SLC35F4: variants seen among roughly 807,000 people sequenced by gnomAD.
The protein encoded by SLC35F4 is solute carrier family 35 member F4.
Under a neutral mutation model 44.2 loss-of-function variants are expected in SLC35F4, and 24 were observed. The observed-to-expected ratio is 0.54, with a 90% CI of 0.39 to 0.76. SLC35F4 has a LOEUF of 0.76. SLC35F4 is among the 30% of genes least tolerant of loss of function. The probability of loss-of-function intolerance (pLI) is 0.00; values close to 1 mark genes in which losing one functional copy is unlikely to be tolerated. For synonymous variants in SLC35F4, 238 were observed against 223.6 expected (o/e 1.06, Z -0.57); for missense variants, 562 against 586.1 (o/e 0.96, Z 0.42).
intron 1 of SLC35F4, among the ~76,000 whole-genome samples, chr14:57,597,113 A>G (rs1339172626): frequency 6.6e-6 from 1 of 152,248 alleles, no homozygotes; most frequent in Admixed American, 6.5e-5. Flanking sequence ...GTAGTCAAGT[A>G]TCATAAATAA....
At chr14:57,773,916 T>C (rs549487562) in intron 1 of SLC35F4, among the ~76,000 whole-genome samples, 1 of 152,204 alleles carries the variant, frequency 6.6e-6, no homozygotes, top group African/African-American at 2.4e-5. Context: ...TCCCAGACCT[T>C]GCCTTCCTTT....
intron 1 of SLC35F4, among the ~76,000 whole-genome samples, chr14:57,949,033 T>C (rs987697629): frequency 2.0e-5 from 3 of 152,162 alleles, no homozygotes; most frequent in Non-Finnish European, 2.9e-5. Flanking sequence ...TCTGTAAACA[T>C]GTTAAGTCCA....
intron 1 of SLC35F4, among the ~76,000 whole-genome samples, chr14:57,634,296 T>C (rs2072924199): frequency 6.6e-6 from 1 of 152,156 alleles, no homozygotes; most frequent in South Asian, 2.1e-4. Context: ...TGAAGATGTA[T>C]AACAGAAGGA....
At chr14:57,920,261 T>C (rs886074486) in intron 1 of SLC35F4, among the ~76,000 whole-genome samples, 5 of 152,190 alleles carry the variant, frequency 3.3e-5, no homozygotes, top group African/African-American at 9.7e-5. Context: ...AAGTCAGATA[T>C]GAAACATTAA....
chr14:57,750,807 A>G (rs2076866891), intron 1 of SLC35F4, among the ~76,000 whole-genome samples: 4 of 152,098 alleles, frequency 2.6e-5, no homozygotes, highest in Admixed American at 2.6e-4. Context: ...TGTCTGATGA[A>G]TAGTTTCAAA....
At chr14:57,767,666 T>G (rs1361839992) in intron 1 of SLC35F4, among the ~76,000 whole-genome samples, 1 of 151,058 alleles carries the variant, frequency 6.6e-6, no homozygotes, top group East Asian at 2.0e-4. Context: ...AAGATGGAAA[T>G]AAAGATAATA....
At chr14:57,791,277 C>A (rs907827193) in intron 1 of SLC35F4, among the ~76,000 whole-genome samples, 4 of 151,770 alleles carry the variant, frequency 2.6e-5, no homozygotes, top group Non-Finnish European at 4.4e-5. Flanking sequence ...GGAAGTTAAA[C>A]AAATTTACAA....
chr14:57,889,369 T>C (rs567913653), intron 1 of SLC35F4, among the ~76,000 whole-genome samples: 2 of 152,346 alleles, frequency 1.3e-5, no homozygotes, highest in African/African-American at 4.8e-5. Flanking sequence ...GCAGAGACAC[T>C]TGAAGTACTC....
At chr14:57,926,337 A>G (rs1317426682) in intron 1 of SLC35F4, among the ~76,000 whole-genome samples, 1 of 152,110 alleles carries the variant, frequency 6.6e-6, no homozygotes, top group Non-Finnish European at 1.5e-5. Context: ...GTTTTTTTAG[A>G]AAGTTTTGTT....
chr14:57,849,003 C>T (rs1437085820), intron 1 of SLC35F4, among the ~76,000 whole-genome samples: 5 of 152,158 alleles, frequency 3.3e-5, no homozygotes, highest in Admixed American at 3.3e-4. Context: ...CTTTTGCCAG[C>T]ATCTGTGAAA....
chr14:57,875,376 G>A (rs1050555619), intron 1 of SLC35F4, among the ~76,000 whole-genome samples: 6 of 152,156 alleles, frequency 3.9e-5, no homozygotes, highest in African/African-American at 1.4e-4. Flanking sequence ...TAGTGTTATT[G>A]TCTAGCTTTT....
intron 4 of SLC35F4, among the ~76,000 whole-genome samples, chr14:57,575,435 C>G (rs1017021317): frequency 1.3e-5 from 2 of 152,080 alleles, no homozygotes; most frequent in African/African-American, 4.8e-5. Flanking sequence ...GAGCTGAGAT[C>G]ACATCACTGC....
chr14:57,935,656 G>A (rs1889782216), intron 1 of SLC35F4, among the ~76,000 whole-genome samples: 1 of 152,116 alleles, frequency 6.6e-6, no homozygotes. Flanking sequence ...TCAGCTCTAA[G>A]GCCCAGATCC....
intron 1 of SLC35F4, among the ~76,000 whole-genome samples, chr14:57,729,859 T>A (rs1331596828): frequency 6.6e-6 from 1 of 152,200 alleles, no homozygotes; most frequent in Non-Finnish European, 1.5e-5. Context: ...CAGTGGTAAG[T>A]CTTGCCAAGA....
Position 57,564,380 on chromosome 14 carries a change from G to A in SLC35F4, c.1217-4C>T. On this transcript the variant is annotated splice_polypyrimidine_tract_variant and splice_region_variant and intron_variant, in intron 7 of 7. Transcript: ENST00000556826. ...TCCTGCTTTAGGAGATCCACAGCTAGGAAAGAAAAATCAAGTCAGTCATTT... is the reference window on the plus strand; with the variant it reads ...TCCTGCTTTAGGAGATCCACAGCTAAGAAAGAAAAATCAAGTCAGTCATTT... 3 of 1,599,594 alleles carry A rather than the reference G, an allele frequency of 1.9e-6. No individual in the cohort carries two copies. The highest frequency in any genetic ancestry group is 2.6e-6 in the Non-Finnish European group (3 of 1,172,362).
At chr14:57,567,348 T>C (rs775852080) in intron 6 of SLC35F4, among the ~76,000 whole-genome samples, 19 of 152,334 alleles carry the variant, frequency 1.2e-4, no homozygotes, top group Admixed American at 3.3e-4. Context: ...GATAGAGAGA[T>C]GAGTGTTAAC....
chr14:57,670,902 CTTTT>C (rs35951590), intron 1 of SLC35F4, among the ~76,000 whole-genome samples: 2 of 107,350 alleles, frequency 1.9e-5, no homozygotes, highest in South Asian at 3.3e-4. Flanking sequence ...CTCATTCATT[CTTTT>C]TTTTTTTTTT....
intron 1 of SLC35F4, among the ~76,000 whole-genome samples, chr14:57,941,314 A>T (rs1264004794): frequency 2.6e-5 from 4 of 152,238 alleles, no homozygotes; most frequent in African/African-American, 9.7e-5. Context: ...AAATGGCTAA[A>T]TTATGGCATG....
intron 1 of SLC35F4, chr14:57,629,695 A>C (rs957685270): frequency 2.9e-5 from 5 of 172,842 alleles, no homozygotes; most frequent in African/African-American, 1.2e-4. Flanking sequence ...AATTTATTCA[A>C]GATCAATACA....
Sources: allele counts gnomAD v4.1 joint callset (sites outside exome capture counted in the v4.1 genomes callset), GRCh38; gene constraint gnomAD v4.1.1; transcripts MANE v1.5; gene names NCBI Gene and HGNC (gene_info 2026-07-23, HGNC 2026-07-21).